The following TSBP1 variants were observed in gnomAD, a reference collection of about 807,000 sequenced individuals.
TSBP1 encodes the protein testis-expressed basic protein 1.
TSBP1 carries 56 observed loss-of-function variants against 68.8 expected under a neutral mutation model. That is an observed-to-expected ratio of 0.81 (90% confidence interval 0.66 to 1.02). The LOEUF (loss-of-function observed/expected upper bound fraction) is 1.02. TSBP1 is among the 50% of genes least tolerant of loss of function. TSBP1 has a pLI of 0.00. For synonymous variants in TSBP1, 171 were observed against 208.7 expected, an observed-to-expected ratio of 0.82 and a Z score of 1.56; for missense variants, 502 against 641.2, an observed-to-expected ratio of 0.78 and a Z score of 2.34.
At position 32,304,369 on chromosome 6, in the gene TSBP1, G is replaced by GTTT. The variant is rs34115112; in HGVS notation, c.581-1743_581-1741dup. On this transcript the variant is annotated intron_variant, in intron 19 of 22. Transcript: ENST00000612031. This position sits in a 1 kb window ranked among gnomAD's most constrained non-coding sequence, Gnocchi z 4.8. ...GCTAAAAATAAAATAAAACAAATCA[G>GTTT]TTTTTTTTTAAATTATGTATTGAGT... Among the ~76,000 whole-genome samples the GTTT allele has an allele frequency of 1.3e-5, 2 of 151,328 alleles. No individual in the cohort carries two copies. Among genetic ancestry groups the GTTT allele is most frequent in the Non-Finnish European group, 1.5e-5 (1 of 67,848 alleles).
intron 19 of TSBP1, among the ~76,000 whole-genome samples, chr6:32,310,761 A>ATATATATTT: frequency 2.8e-5 from 4 of 144,806 alleles, no homozygotes; most frequent in African/African-American, 1.0e-4. Context: ...ATATATATAT[A>ATATATATTT]TTTTTAATCT....
intron 19 of TSBP1, among the ~76,000 whole-genome samples, chr6:32,305,022 A>G (rs1034305178): frequency 2.6e-5 from 4 of 152,194 alleles, no homozygotes; most frequent in African/African-American, 4.8e-5. Flanking sequence ...GCAGGCCTCC[A>G]TAACAACTGT....
Position 32,325,497 on chromosome 6 carries a change from GA to G in TSBP1, c.515-1884del. ...ACCAAAGAGAGCTGTCTCAAGAGAAGATTCTCAAATACCAGGTGCCCACTTA... is the reference window on the plus strand; with the variant it reads ...ACCAAAGAGAGCTGTCTCAAGAGAAGTTCTCAAATACCAGGTGCCCACTTA... On this transcript the variant is annotated intron_variant, in intron 16 of 22. Transcript: ENST00000612031. The surrounding 1 kb of genome is among the most constrained non-coding windows in gnomAD (Gnocchi z 4.4). The G allele has an allele frequency of 1.1e-6, 1 of 899,046 alleles. No homozygotes were observed. Among genetic ancestry groups the G allele is most frequent in the Non-Finnish European group, 1.8e-6 (1 of 544,028 alleles). The allele number at this position is 899,046 out of a possible 1,614,324, so 55.7% of individuals were successfully genotyped here.
rs1412918212 is a variant in TSBP1, at chr6:32,337,349, G to T, written c.410-714C>A. ...GGAGACGCACATTTGGTCAGGCAGC[G>T]TTCCTTCCCCTTTCCCCACGGGTGT... is the stretch of plus-strand genomic sequence containing the variant. On this transcript the variant is annotated intron_variant, in intron 11 of 22. Transcript: ENST00000612031. The surrounding 1 kb of genome is among the most constrained non-coding windows in gnomAD (Gnocchi z 5.5). Among the ~76,000 whole-genome samples the T allele has an allele frequency of 6.6e-6, 1 of 152,280 alleles. No individual in the cohort carries two copies. The highest frequency in any genetic ancestry group is 6.5e-5 in the Admixed American group (1 of 15,304).
chr6:32,365,108 T>C lies in TSBP1; in HGVS notation c.217+1059A>G, dbSNP rs991881079. ...AGTCTCACTATGTTGCCCAGGCCAG[T>C]CTCGAACTCCTAGTCTCAAGAAGTC... On this transcript the variant is annotated intron_variant, in intron 6 of 22. Transcript: ENST00000612031. The surrounding 1 kb of genome is among the most constrained non-coding windows in gnomAD (Gnocchi z 4.3). Among the ~76,000 whole-genome samples, 4 of 151,132 alleles carry C rather than the reference T, an allele frequency of 2.6e-5. No homozygotes were observed. Among genetic ancestry groups the C allele is most frequent in the African/African-American group, 9.8e-5 (4 of 40,968 alleles).
exon 1 of TSBP1, chr6:32,371,811 G>A: frequency 7.4e-7 from 1 of 1,343,616 alleles, no homozygotes; most frequent in Non-Finnish European, 1.1e-6. Context: ...TGAGCAATAT[G>A]AACTTGGGTG....
At chr6:32,355,258 C>T (rs909913449) in intron 7 of TSBP1, 114 bp from the exon 8 acceptor site, 47 of 1,033,038 alleles carry the variant, frequency 4.5e-5, no homozygotes, top group Middle Eastern at 2.0e-4. Context: ...GTCTAGGCCC[C>T]GGGAGTCATC....
rs1229662858 is a variant in TSBP1 at position 32,303,410 on chromosome 6, GATATAATGTC to G, written c.581-791_581-782del. ...CTTGATGCATTGATATTTTTATCATGATATAATGTCCCTCTTTTGTCCCTGGTAAATTTCT... is the reference window on the plus strand; with the variant it reads ...CTTGATGCATTGATATTTTTATCATGCCTCTTTTGTCCCTGGTAAATTTCT... On this transcript the variant is annotated intron_variant, in intron 19 of 22. Transcript: ENST00000612031. Among the ~76,000 whole-genome samples the G allele has an allele frequency of 3.3e-5, 5 of 151,030 alleles. No individual in the cohort carries two copies. The East Asian group carries it at 9.7e-4, about 29-fold the overall frequency.
rs1377131320 is a variant in TSBP1 at position 32,336,313 on chromosome 6, G to A, written c.430+302C>T. On this transcript the variant is annotated intron_variant, in intron 12 of 22. Transcript: ENST00000612031. This position sits in a 1 kb window ranked among gnomAD's most constrained non-coding sequence, Gnocchi z 5.2. ...GGATCATTATGACTATTTCTAAGAG[G>A]GCTGTTTTGGTTTATATTTTTAAAT... Among the ~76,000 whole-genome samples, 2 of 152,178 alleles carry A rather than the reference G, an allele frequency of 1.3e-5. No homozygotes were observed. Among genetic ancestry groups the A allele is most frequent in the East Asian group, 1.9e-4 (1 of 5,174 alleles).
In TSBP1 at chr6:32,325,465, C is replaced by T; in HGVS notation, c.515-1851G>A. On this transcript the variant is annotated intron_variant, in intron 16 of 22. Transcript: ENST00000612031. This position sits in a 1 kb window ranked among gnomAD's most constrained non-coding sequence, Gnocchi z 4.4. Reference sequence around the variant, plus strand: ...AGGCCACACAAGGTGGATGGAAGAGCTGTGGAACCAAAGAGAGCTGTCTCA... The same window carrying T: ...AGGCCACACAAGGTGGATGGAAGAGTTGTGGAACCAAAGAGAGCTGTCTCA... 1.1e-6 allele frequency: 1 copy of T among 907,564 alleles called. No individual in the cohort carries two copies. The highest frequency in any genetic ancestry group is 1.8e-6 in the Non-Finnish European group (1 of 551,670). 56.2% of individuals were successfully genotyped at this position (907,564 alleles called of 1,614,324 possible). A position where few individuals can be genotyped will look rare whatever the true frequency, so the allele number is the denominator to read the frequency against.
chr6:32,350,041 C>A (rs1467338503), intron 8 of TSBP1: 1 of 678,946 alleles, frequency 1.5e-6, no homozygotes, highest in Non-Finnish European at 2.7e-6. Flanking sequence ...GTTTCTCAAT[C>A]TGAGGACATT....
chr6:32,310,782 G>C (rs1766320287), intron 19 of TSBP1, among the ~76,000 whole-genome samples: 1 of 140,612 alleles, frequency 7.1e-6, no homozygotes, highest in South Asian at 2.3e-4. Context: ...TTTTAGAAAG[G>C]ATAGTCTTTC....
chr6:32,366,275 C>G, exon 5 of TSBP1: 8 of 1,599,612 alleles, frequency 5.0e-6, no homozygotes, highest in Non-Finnish European at 6.8e-6. Context: ...TAATTTACCA[C>G]TTTGTGTTGA....
rs187567037 is a variant in TSBP1, at chr6:32,333,777, G to A, written c.472+1660C>T. On this transcript the variant is annotated intron_variant, in intron 14 of 22. Coordinates refer to ENST00000612031, the Ensembl canonical transcript of TSBP1. This position sits in a 1 kb window ranked among gnomAD's most constrained non-coding sequence, Gnocchi z 4.2. ...TAAAAAGACCATATCTTCACCCAGTGGGCATTGCAGTTAATAATCCTTCAC... is the reference window on the plus strand; with the variant it reads ...TAAAAAGACCATATCTTCACCCAGTAGGCATTGCAGTTAATAATCCTTCAC... 3.9e-5 allele frequency among the ~76,000 whole-genome samples: 6 copies of A among 152,126 alleles called. No individual in the cohort carries two copies. Among genetic ancestry groups the A allele is most frequent in the Non-Finnish European group, 8.8e-5 (6 of 68,034 alleles).
At chr6:32,300,151 T>G (rs1247312339) in intron 21 of TSBP1, among the ~76,000 whole-genome samples, 2 of 152,038 alleles carry the variant, frequency 1.3e-5, no homozygotes, top group African/African-American at 2.4e-5. Flanking sequence ...TATAGGCATT[T>G]GAAATCTTGG....
chr6:32,312,801 T>C (rs1562083656), intron 19 of TSBP1, among the ~76,000 whole-genome samples: 2 of 150,462 alleles, frequency 1.3e-5, no homozygotes, highest in African/African-American at 4.9e-5. Context: ...ATAAATAAAA[T>C]CTGAAGACCT....
Position 32,314,342 on chromosome 6 carries a change from A to G in TSBP1, c.580+1430T>C, listed in dbSNP as rs1335999652. ...CCATCCTCTTTGATGACTCCTCTGAAAAGGACACTATGCATTCAATTTGGG... is the reference window on the plus strand; with the variant it reads ...CCATCCTCTTTGATGACTCCTCTGAGAAGGACACTATGCATTCAATTTGGG... On this transcript the variant is annotated intron_variant, in intron 19 of 22. Coordinates refer to ENST00000612031, the Ensembl canonical transcript of TSBP1. The surrounding 1 kb of genome is among the most constrained non-coding windows in gnomAD (Gnocchi z 4.2). Among the ~76,000 whole-genome samples, 1 of 152,142 alleles carries G rather than the reference A, an allele frequency of 6.6e-6. No individual in the cohort carries two copies. Among genetic ancestry groups the G allele is most frequent in the Non-Finnish European group, 1.5e-5 (1 of 68,030 alleles).
At chr6:32,294,585 A>G (rs1026245424) in intron 22 of TSBP1, among the ~76,000 whole-genome samples, 2 of 152,232 alleles carry the variant, frequency 1.3e-5, no homozygotes, top group African/African-American at 4.8e-5. Context: ...CAGGTAGGGT[A>G]TTATTAACCT....
exon 23 of TSBP1, chr6:32,294,023 C>T (rs1295692131): frequency 1.2e-6 from 2 of 1,609,028 alleles, no homozygotes; most frequent in East Asian, 4.5e-5. Context: ...ATCCATGTAA[C>T]CTGTTAATAT....
Sources: allele counts gnomAD v4.1 joint callset (sites outside exome capture counted in the v4.1 genomes callset), GRCh38; gene constraint gnomAD v4.1.1; non-coding constraint Gnocchi (gnomAD v3.1); transcripts MANE v1.5; gene names NCBI Gene and HGNC (gene_info 2026-07-23, HGNC 2026-07-21).